Variants in PIK3C2G observed in about 807,000 individuals in gnomAD.
PIK3C2G encodes phosphatidylinositol 3-kinase C2 domain-containing subunit gamma.
A neutral mutation model predicts 181.1 loss-of-function variants in PIK3C2G; 168 were observed. That is an observed-to-expected ratio of 0.93 (90% confidence interval 0.82 to 1.05). PIK3C2G has a LOEUF of 1.05. PIK3C2G is among the 50% of genes least tolerant of loss of function. PIK3C2G has a pLI of 0.00. For synonymous variants in PIK3C2G, 573 were observed against 592.2 expected, an observed-to-expected ratio of 0.97 and a Z score of 0.47; for missense variants, 1,869 against 1,732.8, an observed-to-expected ratio of 1.08 and a Z score of -1.40.
rs551428387 is a variant in PIK3C2G, at chr12:18,283,242, T to C, written c.678+483T>C. 3.9e-5 allele frequency among the ~76,000 whole-genome samples: 6 copies of C among 152,250 alleles called. No individual in the cohort carries two copies. In the East Asian group the frequency reaches 7.7e-4, roughly 20 times the overall value. On this transcript the variant is annotated intron_variant, in intron 2 of 32. Transcript: ENST00000538779. ...TTATACGATTGGCAGGCAACTTCTA[T>C]TGAGATCATTCCAAGGGTAGGAAAT...
the PIK3C2G span, among the ~76,000 whole-genome samples, chr12:18,720,123 A>G: frequency 6.6e-6 from 1 of 152,034 alleles, no homozygotes; most frequent in African/African-American, 2.4e-5. Flanking sequence ...TATTTTTTGT[A>G]CCTGGTTTCT....
chr12:18,583,229 C>T (rs972404399), intron 29 of PIK3C2G, among the ~76,000 whole-genome samples: 55 of 152,146 alleles, frequency 3.6e-4, no homozygotes, highest in African/African-American at 1.2e-3. Context: ...GAGAGAAGGG[C>T]AAGCCACTAT....
intron 32 of PIK3C2G, among the ~76,000 whole-genome samples, chr12:18,643,298 A>C (rs644164): frequency 0.85 from 129,475 of 151,996 alleles, 55,220 homozygotes; most frequent in East Asian, 0.95. Flanking sequence ...CTATACTTGT[A>C]GCATGAATAG....
intron 7 of PIK3C2G, among the ~76,000 whole-genome samples, chr12:18,321,953 G>C (rs1166987854): frequency 6.6e-6 from 1 of 152,178 alleles, no homozygotes; most frequent in Non-Finnish European, 1.5e-5. Flanking sequence ...TGGGGAGGGA[G>C]AGCATCAGGA....
chr12:18,381,655 C>A, intron 13 of PIK3C2G, 111 bp from the exon 14 acceptor site: 1 of 638,150 alleles, frequency 1.6e-6, no homozygotes, highest in East Asian at 2.7e-5. Flanking sequence ...CTGAATAAAG[C>A]CCCTGTAAGA....
At chr12:18,547,088 G>T in intron 26 of PIK3C2G, among the ~76,000 whole-genome samples, 1 of 151,936 alleles carries the variant, frequency 6.6e-6, no homozygotes, top group East Asian at 1.9e-4. Flanking sequence ...GAGAAAAACT[G>T]CATTCTTTCT....
rs1329898909 is a variant in PIK3C2G, at chr12:18,637,433, G to A, written c.4183-2996G>A. Among the ~76,000 whole-genome samples the A allele has an allele frequency of 2.0e-5, 3 of 147,246 alleles. 1 individual carries two copies. The Admixed American group carries it at 2.0e-4, about 10-fold the overall frequency. On this transcript the variant is annotated intron_variant, in intron 31 of 32. Coordinates refer to ENST00000538779, the MANE Select transcript of PIK3C2G (RefSeq NM_001288772.2). ...TTTTTTTTACAAAAAAATGAAATAA[G>A]AATTTGTAGTCTTCCTATTGATTTC...
chr12:18,479,313 C>T (rs528789303), intron 18 of PIK3C2G, among the ~76,000 whole-genome samples: 2 of 152,164 alleles, frequency 1.3e-5, no homozygotes, highest in East Asian at 1.9e-4. Flanking sequence ...ATAAGAGTCT[C>T]GGGCTAACCC....
intron 18 of PIK3C2G, among the ~76,000 whole-genome samples, chr12:18,452,129 T>C (rs1460572416): frequency 6.6e-6 from 1 of 152,238 alleles, no homozygotes; most frequent in Non-Finnish European, 1.5e-5. Context: ...TTGTTTGGAA[T>C]AGTTTCAGAA....
Position 18,617,744 on chromosome 12 carries a change from C to T in PIK3C2G, c.4182+8115C>T, listed in dbSNP as rs1316806570. Among the ~76,000 whole-genome samples, 3 of 152,184 alleles carry T rather than the reference C, an allele frequency of 2.0e-5. No homozygotes were observed. The East Asian group carries it at 5.8e-4, about 29-fold the overall frequency. On this transcript the variant is annotated intron_variant, in intron 31 of 32. Coordinates refer to ENST00000538779, the MANE Select transcript of PIK3C2G (RefSeq NM_001288772.2). ...AGAGACCTGAGCATCTTCTTATGTACCCAGGAAATATCCCCAAAGATAGTG... is the reference window on the plus strand; with the variant it reads ...AGAGACCTGAGCATCTTCTTATGTATCCAGGAAATATCCCCAAAGATAGTG...
intron 18 of PIK3C2G, among the ~76,000 whole-genome samples, chr12:18,488,074 A>C (rs923604334): frequency 6.6e-6 from 1 of 152,134 alleles, no homozygotes; most frequent in African/African-American, 2.4e-5. Flanking sequence ...TTGATGTTTG[A>C]GTCTCCATAT....
the PIK3C2G span, among the ~76,000 whole-genome samples, chr12:18,698,541 G>A: frequency 2.0e-5 from 3 of 152,206 alleles, no homozygotes; most frequent in Admixed American, 6.5e-5. Context: ...TTCAGAATCC[G>A]CATTCCCAAA....
At chr12:18,569,891 G>A (rs947603613) in intron 29 of PIK3C2G, among the ~76,000 whole-genome samples, 1 of 152,002 alleles carries the variant, frequency 6.6e-6, no homozygotes, top group African/African-American at 2.4e-5. Context: ...GCCAGTTCAT[G>A]TCTCTTTACC....
At chr12:18,719,478 C>A in the PIK3C2G span, 25 of 1,573,248 alleles carry the variant, frequency 1.6e-5, no homozygotes, top group Admixed American at 5.3e-5. Flanking sequence ...GATCAGATAC[C>A]AAATATGTGT....
chr12:18,607,416 C>T (rs1362404190), intron 30 of PIK3C2G, among the ~76,000 whole-genome samples: 1 of 152,104 alleles, frequency 6.6e-6, no homozygotes, highest in African/African-American at 2.4e-5. Context: ...ACTATCTGAT[C>T]TTAGACAAAC....
At chr12:18,445,111 A>G (rs746684346) in intron 18 of PIK3C2G, among the ~76,000 whole-genome samples, 39 of 152,130 alleles carry the variant, frequency 2.6e-4, no homozygotes, top group Non-Finnish European at 5.3e-4. Context: ...AAGCTAGTAC[A>G]AGCCAGATAT....
chr12:18,693,562 T>C, the PIK3C2G span: 18 of 1,603,740 alleles, frequency 1.1e-5, no homozygotes, highest in Non-Finnish European at 1.5e-5. Context: ...ACCTAGGTGA[T>C]GGGCCCAAAC....
chr12:18,401,767 A>C (rs1160887306), intron 16 of PIK3C2G, among the ~76,000 whole-genome samples: 2 of 152,204 alleles, frequency 1.3e-5, no homozygotes, highest in African/African-American at 4.8e-5. Flanking sequence ...AAATATGCTC[A>C]ATATCATTAG....
At chr12:18,388,285 T>A (rs985551390) in intron 14 of PIK3C2G, among the ~76,000 whole-genome samples, 5 of 152,138 alleles carry the variant, frequency 3.3e-5, no homozygotes, top group Non-Finnish European at 5.9e-5. Flanking sequence ...TTTTTCTTTT[T>A]TATGAGACAG....
Sources: gnomAD v4.1 joint callset for allele counts (sites outside exome capture counted in the v4.1 genomes callset) on GRCh38, gnomAD v4.1.1 for gene constraint, MANE v1.5 for transcripts, NCBI Gene and HGNC (gene_info 2026-07-23, HGNC 2026-07-21) for gene names.